The following COL4A6 variants were observed in gnomAD, a reference collection of about 807,000 sequenced individuals.
The protein encoded by COL4A6 is collagen alpha-6(IV) chain.
A neutral mutation model predicts 126.7 loss-of-function variants in COL4A6; 59 were observed. The observed-to-expected ratio is 0.47, with a 90% confidence interval of 0.38 to 0.58. The LOEUF is 0.58. COL4A6 is among the 20% of genes least tolerant of loss of function. The pLI is 0.00. For missense variants in COL4A6, 1,285 were observed against 1,337.3 expected (o/e 0.96, Z 0.61); for synonymous variants, 547 against 496.6 (o/e 1.10, Z -1.35).
intron 2 of COL4A6, among the ~76,000 whole-genome samples, chrX:108,420,784 G>A (rs1165735437): frequency 2.7e-5 from 3 of 111,611 alleles, no homozygotes; most frequent in Non-Finnish European, 3.8e-5. Context: ...CTCTTCAATG[G>A]TCCATCCAGA....
At chrX:108,180,830 C>A in intron 24 of COL4A6, 67 bp downstream of exon 24, 1 of 1,063,101 alleles carries the variant, frequency 9.4e-7, no homozygotes, top group South Asian at 1.9e-5. Context: ...CTGGGCTATC[C>A]TCTGCTTCCT....
intron 13 of COL4A6, among the ~76,000 whole-genome samples, chrX:108,196,819 G>A (rs1191305132): frequency 8.9e-6 from 1 of 112,111 alleles, no homozygotes; most frequent in African/African-American, 3.2e-5. Context: ...ACTGTTCCAT[G>A]TATTTATAGT....
At chrX:108,206,073 T>C (rs2035536634) in intron 9 of COL4A6, among the ~76,000 whole-genome samples, 1 of 111,493 alleles carries the variant, frequency 9.0e-6, no homozygotes, top group African/African-American at 3.3e-5. Flanking sequence ...CCTCTACCAG[T>C]GATGATAAAC....
At chrX:108,216,379 C>T (rs1009220793) in intron 5 of COL4A6, among the ~76,000 whole-genome samples, 1 of 111,963 alleles carries the variant, frequency 8.9e-6, no homozygotes, top group Non-Finnish European at 1.9e-5. Context: ...GCCTCAGTTC[C>T]CTCATCTGTC....
chrX:108,219,571 A>G (rs2035954769), intron 5 of COL4A6, 127 bp downstream of exon 5: 1 of 617,880 alleles, frequency 1.6e-6, no homozygotes, highest in Non-Finnish European at 2.7e-6. Flanking sequence ...AAACCTCACC[A>G]TACATATCTC....
intron 2 of COL4A6, among the ~76,000 whole-genome samples, chrX:108,323,669 C>A (rs746619448): frequency 8.9e-6 from 1 of 111,808 alleles, no homozygotes; most frequent in Admixed American, 9.5e-5. Flanking sequence ...GTTCTTTTTC[C>A]TTTTTGTAAA....
intron 43 of COL4A6, 50 bp from the exon 44 acceptor site, chrX:108,159,798 T>A: frequency 8.5e-7 from 1 of 1,180,771 alleles, no homozygotes; most frequent in Non-Finnish European, 1.2e-6. Flanking sequence ...GCTGAGGGGC[T>A]TTGACGAGAT....
At chrX:108,272,071 T>G (rs964873529) in intron 3 of COL4A6, among the ~76,000 whole-genome samples, 1 of 111,645 alleles carries the variant, frequency 9.0e-6, no homozygotes. Flanking sequence ...CCATATCCAA[T>G]AGGTCTTTCA....
intron 23 of COL4A6, among the ~76,000 whole-genome samples, chrX:108,184,961 A>C (rs1020247900): frequency 1.8e-5 from 2 of 112,412 alleles, no homozygotes; most frequent in African/African-American, 6.5e-5. Context: ...GTTGCTTGCA[A>C]AATGGTTTAA....
In COL4A6 at chrX:108,367,710, C is replaced by T. The variant is rs544224757; in HGVS notation, c.64-56882G>A. ...TCAGGATCCATATAATTGATTTTTTCAAAATGGGTTTCAACCTTCAGATTG... is the reference window on the plus strand; with the variant it reads ...TCAGGATCCATATAATTGATTTTTTTAAAATGGGTTTCAACCTTCAGATTG... On this transcript the variant is annotated intron_variant, in intron 2 of 44. Transcript: ENST00000334504. Among the ~76,000 whole-genome samples, 5 of 111,814 alleles carry T rather than the reference C, an allele frequency of 4.5e-5. No homozygotes were observed. In the South Asian group the frequency reaches 1.9e-3, roughly 42 times the overall value.
intron 28 of COL4A6, 92 bp downstream of exon 28, chrX:108,176,749 C>T: frequency 1.0e-6 from 1 of 977,424 alleles, no homozygotes; most frequent in Non-Finnish European, 1.4e-6. Context: ...CTCCCCATTT[C>T]CCATTCCTAG....
Position 108,324,425 on chromosome X carries a change from C to T in COL4A6, c.64-13597G>A, listed in dbSNP as rs1287430768. Among the ~76,000 whole-genome samples the T allele has an allele frequency of 4.5e-5, 5 of 111,932 alleles. No homozygotes were observed. In the South Asian group the frequency reaches 1.5e-3, roughly 33 times the overall value. ...GCCCATAATGTTCTTAAAATAGAAG[C>T]CTCTTTTTCTTCTGTTAGTAAGAAT... On this transcript the variant is annotated intron_variant, in intron 2 of 44. Transcript: ENST00000334504.
At chrX:108,396,051 G>A (rs923939415) in intron 2 of COL4A6, among the ~76,000 whole-genome samples, 1 of 109,394 alleles carries the variant, frequency 9.1e-6, no homozygotes, top group Admixed American at 9.8e-5. Flanking sequence ...CCTAAACTCT[G>A]GGAAATAAAA....
At chrX:108,221,172 T>A in intron 4 of COL4A6, 68 bp downstream of exon 4, 2 of 1,172,188 alleles carry the variant, frequency 1.7e-6, no homozygotes, top group Non-Finnish European at 1.2e-6. Flanking sequence ...AGAACTGGGA[T>A]GGAGAACTTC....
intron 3 of COL4A6, among the ~76,000 whole-genome samples, chrX:108,227,819 C>T (rs138910856): frequency 4.9e-3 from 546 of 111,915 alleles, no homozygotes; most frequent in African/African-American, 0.017. Flanking sequence ...TTCCTTGTTC[C>T]TAACATGGAC....
intron 2 of COL4A6, among the ~76,000 whole-genome samples, chrX:108,321,022 A>C (rs1468732881): frequency 8.9e-6 from 1 of 111,912 alleles, no homozygotes; most frequent in Admixed American, 9.5e-5. Context: ...TTAAGCCTCA[A>C]TTTCCTGCAC....
intron 2 of COL4A6, among the ~76,000 whole-genome samples, chrX:108,333,936 T>A (rs778940141): frequency 9.9e-5 from 11 of 111,578 alleles, no homozygotes; most frequent in Non-Finnish European, 2.1e-4. Context: ...GCTCATGGAT[T>A]GAAAGAATCA....
intron 23 of COL4A6, among the ~76,000 whole-genome samples, chrX:108,186,802 C>T (rs1286463592): frequency 9.0e-6 from 1 of 110,721 alleles, no homozygotes; most frequent in African/African-American, 3.3e-5. Flanking sequence ...TCTTCTTGAA[C>T]TCTCCCAGGG....
intron 19 of COL4A6, among the ~76,000 whole-genome samples, chrX:108,190,982 G>T (rs2035022442): frequency 8.9e-6 from 1 of 111,921 alleles, no homozygotes; most frequent in Non-Finnish European, 1.9e-5. Flanking sequence ...CAGCCACCTC[G>T]AGGGTCCAGG....
Sources: allele counts gnomAD v4.1 joint callset (sites outside exome capture counted in the v4.1 genomes callset), GRCh38; gene constraint gnomAD v4.1.1; transcripts MANE v1.5; gene names NCBI Gene and HGNC (gene_info 2026-07-23, HGNC 2026-07-21).